Variants in PKNOX2 observed in about 807,000 individuals in gnomAD.
PKNOX2 encodes the protein PBX/knotted 1 homeobox 2.
A neutral mutation model predicts 53.1 loss-of-function variants in PKNOX2; 14 were observed. The ratio of observed to expected loss-of-function variants is 0.26; its 90% CI spans 0.17 to 0.41. The LOEUF (loss-of-function observed/expected upper bound fraction) is 0.41, where lower values mean the gene tolerates loss of function less well. Among genes scored for constraint, PKNOX2 ranks in the 10% least tolerant of loss-of-function variants. PKNOX2 has a pLI of 1.00. For synonymous variants in PKNOX2, 257 were observed against 242.8 expected (o/e 1.06, Z -0.54); for missense variants, 496 against 602.8 (o/e 0.82, Z 1.85).
chr11:125,166,009 G>A lies in PKNOX2; in HGVS notation c.-201+1233G>A, dbSNP rs1442783099. Among the ~76,000 whole-genome samples, 1 of 152,152 alleles carries A rather than the reference G, an allele frequency of 6.6e-6. No individual in the cohort carries two copies. Among genetic ancestry groups the A allele is most frequent in the Non-Finnish European group, 1.5e-5 (1 of 68,030 alleles). ...CGCGCGGTGGGGAGACTCGGGTTGG[G>A]AATTGAGGGGTAGGGGCTTGTGGAT... On this transcript the variant is annotated intron_variant, in intron 1 of 12. Transcript: ENST00000298282. The surrounding 1 kb of genome is among the most constrained non-coding windows in gnomAD (Gnocchi z 4.0).
intron 9 of PKNOX2, chr11:125,411,198 G>A (rs1955490251): frequency 3.2e-6 from 1 of 314,530 alleles, no homozygotes; most frequent in African/African-American, 2.1e-5. Context: ...GTCAGAGTCT[G>A]GGATCTGACA....
At chr11:125,258,808 T>C in intron 2 of PKNOX2, 1 of 302,890 alleles carries the variant, frequency 3.3e-6, no homozygotes. Context: ...GTCACCCAAG[T>C]CCTCTTTAAC....
intron 3 of PKNOX2, among the ~76,000 whole-genome samples, chr11:125,342,944 C>T (rs1950775685): frequency 6.6e-6 from 1 of 152,106 alleles, no homozygotes; most frequent in African/African-American, 2.4e-5. Context: ...CCTGGGCCTC[C>T]CCACCTCTCC....
intron 2 of PKNOX2, among the ~76,000 whole-genome samples, chr11:125,279,176 G>A (rs1404078016): frequency 6.6e-6 from 1 of 152,198 alleles, no homozygotes; most frequent in African/African-American, 2.4e-5. Flanking sequence ...TGTGCTTGTG[G>A]GCATGCCTGT....
intron 1 of PKNOX2, among the ~76,000 whole-genome samples, chr11:125,231,795 A>G (rs1215030724): frequency 6.6e-6 from 1 of 152,066 alleles, no homozygotes; most frequent in African/African-American, 2.4e-5. Flanking sequence ...TTATTGTGAG[A>G]TTTTTGCACT....
At chr11:125,348,272 A>AGCCAGCTTCCGGACACGGGTGCAGGGTC in intron 3 of PKNOX2, among the ~76,000 whole-genome samples, 1 of 152,316 alleles carries the variant, frequency 6.6e-6, no homozygotes, top group East Asian at 1.9e-4. Context: ...TGAGGAAAAG[A>AGCCAGCTTCCGGACACGGGTGCAGGGTC]GCCAGCTTCC....
At chr11:125,282,556 G>A (rs748570417) in intron 2 of PKNOX2, among the ~76,000 whole-genome samples, 3 of 152,174 alleles carry the variant, frequency 2.0e-5, no homozygotes, top group Non-Finnish European at 4.4e-5. Flanking sequence ...TTTCGAACAC[G>A]TTCCCAGGTG....
Position 125,398,125 on chromosome 11 carries a change from G to C in PKNOX2, c.588+63G>C, listed in dbSNP as rs377055199. The C allele has an allele frequency of 1.2e-4, 174 of 1,503,670 alleles. 3 individuals are homozygous for C. In the African/African-American group the frequency reaches 2.1e-3, roughly 18 times the overall value. The allele number at this position is 1,503,670 out of a possible 1,614,324, so 93.1% of individuals were successfully genotyped here. ...CTCCTAAGCCCAGCTCTGGAGCCACGCGTGGAGGAAGGTCCCCTGGTGACC... is the reference window on the plus strand; with the variant it reads ...CTCCTAAGCCCAGCTCTGGAGCCACCCGTGGAGGAAGGTCCCCTGGTGACC... On this transcript the variant is annotated intron_variant, in intron 7 of 12. Coordinates refer to ENST00000298282, the MANE Select transcript of PKNOX2 (RefSeq NM_001382323.2).
At chr11:125,421,374 C>A (rs759036339) in intron 10 of PKNOX2, among the ~76,000 whole-genome samples, 25 of 152,122 alleles carry the variant, frequency 1.6e-4, no homozygotes, top group Non-Finnish European at 2.9e-5. Flanking sequence ...ATGTGAGGAG[C>A]GGCTGAGGGG....
intron 9 of PKNOX2, chr11:125,411,131 G>A (rs143288091): frequency 3.9e-5 from 17 of 433,158 alleles, no homozygotes; most frequent in African/African-American, 8.0e-5. Context: ...AGACTGAGCC[G>A]CTGTGTCCCT....
At chr11:125,368,404 C>CA (rs1165433616) in intron 5 of PKNOX2, among the ~76,000 whole-genome samples, 3 of 152,196 alleles carry the variant, frequency 2.0e-5, no homozygotes, top group Non-Finnish European at 4.4e-5. Context: ...CTTCAGGAGG[C>CA]ATGAAAGTCA....
At chr11:125,196,644 A>G (rs937575874) in intron 1 of PKNOX2, among the ~76,000 whole-genome samples, 6 of 152,112 alleles carry the variant, frequency 3.9e-5, no homozygotes, top group Admixed American at 2.6e-4. Flanking sequence ...CCCTGCTCCA[A>G]TTTCACCTGT....
intron 11 of PKNOX2, among the ~76,000 whole-genome samples, chr11:125,429,512 T>C (rs557543592): frequency 4.6e-4 from 70 of 150,840 alleles, no homozygotes; most frequent in Non-Finnish European, 8.0e-4. Flanking sequence ...GGAGGAGGAG[T>C]AGCCATTCTG....
At chr11:125,189,892 G>C (rs888882013) in intron 1 of PKNOX2, 8 of 151,378 alleles carry the variant, frequency 5.3e-5, no homozygotes, top group Admixed American at 2.0e-4. Context: ...GTTTAAATCT[G>C]TTGTCCTAGT....
intron 1 of PKNOX2, among the ~76,000 whole-genome samples, chr11:125,178,259 C>T (rs1177424000): frequency 6.6e-6 from 1 of 151,420 alleles, no homozygotes; most frequent in Non-Finnish European, 1.5e-5. Flanking sequence ...TGCCTCTAAT[C>T]CCAGCACTTT....
chr11:125,250,886 G>C (rs1943941687), intron 2 of PKNOX2, among the ~76,000 whole-genome samples: 1 of 152,248 alleles, frequency 6.6e-6, no homozygotes. Flanking sequence ...AGATCGGCAG[G>C]GCAGAATGGG....
chr11:125,353,853 C>T (rs1951449979), intron 4 of PKNOX2, among the ~76,000 whole-genome samples: 1 of 152,088 alleles, frequency 6.6e-6, no homozygotes, highest in Non-Finnish European at 1.5e-5. Context: ...ATTGGCCTTC[C>T]CCAAGCTGAG....
Position 125,410,934 on chromosome 11 carries a change from GCTT to G in PKNOX2, c.816+62_816+64del, listed in dbSNP as rs1444944345. 13 of 1,433,540 alleles carry G rather than the reference GCTT, an allele frequency of 9.1e-6. No homozygotes were observed. In the East Asian group the frequency reaches 1.1e-4, roughly 13 times the overall value. 88.8% of individuals were successfully genotyped at this position (1,433,540 alleles called of 1,614,324 possible). On this transcript the variant is annotated intron_variant, in intron 9 of 12. Coordinates refer to ENST00000298282, the MANE Select transcript of PKNOX2 (RefSeq NM_001382323.2). Reference sequence around the variant, plus strand: ...GGTGTGGGCTAGGGCACCTGTAATCGCTTCTTATCTGCCAGGCACTTTACACGG... The same window carrying G: ...GGTGTGGGCTAGGGCACCTGTAATCGCTTATCTGCCAGGCACTTTACACGG...
intron 2 of PKNOX2, among the ~76,000 whole-genome samples, chr11:125,315,341 C>A (rs1409956435): frequency 7.1e-6 from 1 of 141,800 alleles, no homozygotes; most frequent in Non-Finnish European, 1.5e-5. Context: ...CCTCTCTCTG[C>A]ATTAAAATTG....
Sources: gnomAD v4.1 joint callset for allele counts (sites outside exome capture counted in the v4.1 genomes callset) on GRCh38, gnomAD v4.1.1 for gene constraint, Gnocchi (gnomAD v3.1) non-coding constraint, MANE v1.5 for transcripts, NCBI Gene and HGNC (gene_info 2026-07-23, HGNC 2026-07-21) for gene names.